The following COG3 variants were observed in gnomAD, a reference collection of about 807,000 sequenced individuals.
The protein encoded by COG3 is component of oligomeric golgi complex 3.
A neutral mutation model predicts 114.1 loss-of-function variants in COG3; 32 were observed. The observed-to-expected ratio is 0.28, with a 90% CI of 0.21 to 0.38. The LOEUF (loss-of-function observed/expected upper bound fraction) is 0.38, where lower values mean the gene tolerates loss of function less well. Among genes scored for constraint, COG3 ranks in the 10% least tolerant of loss-of-function variants. The probability of loss-of-function intolerance (pLI) is 1.00; values close to 1 mark genes in which losing one functional copy is unlikely to be tolerated. For missense variants in COG3, 813 were observed against 973.2 expected (o/e 0.84, Z 2.19); for synonymous variants, 352 against 365.7 (o/e 0.96, Z 0.43).
chr13:45,522,975 G>C (rs901846900), intron 19 of COG3, among the ~76,000 whole-genome samples: 1 of 152,164 alleles, frequency 6.6e-6, no homozygotes. Flanking sequence ...TGAAGTTAAG[G>C]TTATCAGGAG....
chr13:45,516,305 C>T, intron 17 of COG3, 42 bp downstream of exon 17: 1 of 1,537,744 alleles, frequency 6.5e-7, no homozygotes, highest in Non-Finnish European at 8.8e-7. Flanking sequence ...TGTGTTTGAT[C>T]TGTCCAGATG....
intron 8 of COG3, among the ~76,000 whole-genome samples, chr13:45,487,778 G>A (rs1363776324): frequency 6.6e-6 from 1 of 152,210 alleles, no homozygotes; most frequent in Non-Finnish European, 1.5e-5. Context: ...CTTATACACT[G>A]TTGATGGGAA....
At chr13:45,500,040 A>AGTGTGTGTGTGTG (rs1869294921) in intron 13 of COG3, among the ~76,000 whole-genome samples, 1 of 136,788 alleles carries the variant, frequency 7.3e-6, no homozygotes, top group Admixed American at 7.4e-5. Context: ...ATATATATGT[A>AGTGTGTGTGTGTG]TGTGTGTGTG....
chr13:45,495,242 C>T (rs1868623038), intron 12 of COG3, among the ~76,000 whole-genome samples: 1 of 151,240 alleles, frequency 6.6e-6, no homozygotes, highest in Admixed American at 6.6e-5. Flanking sequence ...CCTATCTGCG[C>T]CTCCCAAAGT....
intron 15 of COG3, 116 bp downstream of exon 15, chr13:45,509,932 A>C (rs1566263758): frequency 1.8e-6 from 2 of 1,090,402 alleles, no homozygotes; most frequent in Admixed American, 2.4e-5. Flanking sequence ...TGATTTTTAG[A>C]TATGGAAGTA....
chr13:45,465,325 T>G, intron 1 of COG3, 115 bp downstream of exon 1: 1 of 1,420,730 alleles, frequency 7.0e-7, no homozygotes, highest in South Asian at 1.5e-5. Context: ...CACTCCTCCC[T>G]GGCCATGGTG....
intron 22 of COG3, among the ~76,000 whole-genome samples, chr13:45,533,927 T>A (rs1873378569): frequency 6.6e-6 from 1 of 152,242 alleles, no homozygotes. Flanking sequence ...ATCGGGGTGA[T>A]GATCTGCATC....
chr13:45,469,961 T>C (rs531603970), intron 1 of COG3, among the ~76,000 whole-genome samples: 1 of 152,274 alleles, frequency 6.6e-6, no homozygotes, highest in South Asian at 2.1e-4. Context: ...TAAACATTGG[T>C]ATTGGCTTAA....
chr13:45,466,163 G>A (rs1412762812), intron 1 of COG3, among the ~76,000 whole-genome samples: 1 of 151,980 alleles, frequency 6.6e-6, no homozygotes, highest in African/African-American at 2.4e-5. Context: ...TCAGCCTCCC[G>A]AGTAGCTGGG....
At position 45,492,363 on chromosome 13, in the gene COG3, GTT is replaced by G. The variant is rs1593702721; in HGVS notation, c.1187+115_1187+116del. Reference sequence around the variant, plus strand: ...CATTAACTGGAGAATGTTTTAACTTGTTTGTGTCTGTGAACAGAATATTGTTG... The same window carrying G: ...CATTAACTGGAGAATGTTTTAACTTGTGTGTCTGTGAACAGAATATTGTTG... On this transcript the variant is annotated intron_variant, in intron 11 of 22. Transcript: ENST00000349995. 2.6e-5 allele frequency: 15 copies of G among 571,810 alleles called. 1 individual carries two copies. In the East Asian group the frequency reaches 5.0e-4, roughly 19 times the overall value. The allele number at this position is 571,810 out of a possible 1,614,324, so 35.4% of individuals were successfully genotyped here.
At chr13:45,486,788 G>A (rs548950724) in intron 8 of COG3, among the ~76,000 whole-genome samples, 2 of 152,324 alleles carry the variant, frequency 1.3e-5, no homozygotes, top group African/African-American at 4.8e-5. Context: ...TTCCTGTGAT[G>A]CTCAGGGATG....
intron 22 of COG3, chr13:45,532,168 G>T (rs1163925616): frequency 6.6e-6 from 1 of 152,036 alleles, no homozygotes; most frequent in African/African-American, 2.4e-5. Flanking sequence ...AGGCTCATCC[G>T]TGTTGTATGT....
At chr13:45,508,403 TACACACAC>T (rs1182268847) in intron 14 of COG3, among the ~76,000 whole-genome samples, 1 of 133,050 alleles carries the variant, frequency 7.5e-6, no homozygotes, top group Admixed American at 7.2e-5. Flanking sequence ...TATATATATA[TACACACAC>T]ACACACACAC....
At position 45,496,011 on chromosome 13, in the gene COG3, A is replaced by G. The variant is rs1284996836; in HGVS notation, c.1328-141A>G. ...TAAACTTTTCCAAGCTCATTGAGTC[A>G]TGCTGAAATAGAATACAATCACAGC... On this transcript the variant is annotated intron_variant, in intron 12 of 22. Transcript: ENST00000349995. 7.7e-5 allele frequency: 48 copies of G among 626,140 alleles called. No homozygotes were observed. The East Asian group carries it at 1.3e-3, about 17-fold the overall frequency. The allele number at this position is 626,140 out of a possible 1,614,324, so 38.8% of individuals were successfully genotyped here. A position where few individuals can be genotyped will look rare whatever the true frequency, so the allele number is the denominator to read the frequency against.
At chr13:45,474,395 C>G (rs929560313) in intron 1 of COG3, among the ~76,000 whole-genome samples, 4 of 152,162 alleles carry the variant, frequency 2.6e-5, no homozygotes, top group Non-Finnish European at 2.9e-5. Context: ...ATTTCCTGAC[C>G]TCGTGATCCG....
At chr13:45,511,518 A>C (rs1870860919) in intron 15 of COG3, among the ~76,000 whole-genome samples, 1 of 152,244 alleles carries the variant, frequency 6.6e-6, no homozygotes, top group Non-Finnish European at 1.5e-5. Context: ...CACAGTGCCT[A>C]GTATGCTAAT....
chr13:45,472,176 T>C (rs1233821590), intron 1 of COG3, among the ~76,000 whole-genome samples: 2 of 152,238 alleles, frequency 1.3e-5, no homozygotes, highest in Non-Finnish European at 2.9e-5. Flanking sequence ...TAATTTCTGA[T>C]GAGAAGTCTG....
rs750625226 is a variant in COG3 at position 45,496,216 on chromosome 13, C to T, written c.1392C>T (p.Leu464=). 31 of 1,612,940 alleles carry T rather than the reference C, an allele frequency of 1.9e-5. No homozygotes were observed. Among genetic ancestry groups the T allele is most frequent in the Middle Eastern group, 1.6e-4 (1 of 6,072 alleles). ...TGTTAGAAGATGTACAGGAGCGGCT[C>T]GTCTACCGAACCCACATCTATATTC... ...KQMLEDVQER[L]VYRTHIYIQT... is the part of the protein sequence containing the mutation. Residue 464 remains leucine (L), a synonymous_variant, in exon 13 of 23, where the codon CTC becomes CTT. Coordinates refer to ENST00000349995, the MANE Select transcript of COG3 (RefSeq NM_031431.4).
intron 14 of COG3, among the ~76,000 whole-genome samples, chr13:45,505,305 C>T (rs1340751781): frequency 2.8e-5 from 4 of 145,172 alleles, no homozygotes; most frequent in African/African-American, 7.6e-5. Context: ...ATCCTGCTTC[C>T]TTTTTTTTTT....
Sources: gnomAD v4.1 joint callset for allele counts (sites outside exome capture counted in the v4.1 genomes callset) on GRCh38, gnomAD v4.1.1 for gene constraint, MANE v1.5 for transcripts, NCBI Gene and HGNC (gene_info 2026-07-23, HGNC 2026-07-21) for gene names.